Variants in PRDM11 observed in about 807,000 individuals in gnomAD.
PRDM11 encodes PR domain-containing protein 11.
Under a neutral mutation model 97.8 loss-of-function variants are expected in PRDM11, and 20 were observed. That is an observed-to-expected ratio of 0.20 (90% CI 0.14 to 0.30). The LOEUF (loss-of-function observed/expected upper bound fraction) is 0.30. Ranked by LOEUF, PRDM11 falls within the 10% of genes least tolerant of loss-of-function variation. PRDM11 has a pLI of 1.00. For synonymous variants in PRDM11, 599 were observed against 637.7 expected (o/e 0.94, Z 0.91); for missense variants, 1,139 against 1,555.2 (o/e 0.73, Z 4.50).
At chr11:45,103,377 G>A (rs1260107605) in intron 1 of PRDM11, among the ~76,000 whole-genome samples, 1 of 152,184 alleles carries the variant, frequency 6.6e-6, no homozygotes, top group Non-Finnish European at 1.5e-5. Context: ...GAAGATGAGA[G>A]GGAGATGAGG....
At chr11:45,221,356 T>C (rs1395543515) in intron 6 of PRDM11, among the ~76,000 whole-genome samples, 1 of 152,130 alleles carries the variant, frequency 6.6e-6, no homozygotes, top group Non-Finnish European at 1.5e-5. Flanking sequence ...GCCTGATACA[T>C]AGTAGGGACT....
intron 1 of PRDM11, among the ~76,000 whole-genome samples, chr11:45,171,634 G>A (rs770177955): frequency 1.4e-4 from 21 of 152,200 alleles, no homozygotes; most frequent in Non-Finnish European, 2.6e-4. Flanking sequence ...CAGGCAGAGT[G>A]CTGGGCCCAT....
At chr11:45,182,103 C>T in intron 2 of PRDM11, 143 bp from the exon 3 acceptor site, 1 of 755,692 alleles carries the variant, frequency 1.3e-6, no homozygotes, top group Non-Finnish European at 2.2e-6. Flanking sequence ...CCACCTCCTG[C>T]ACTGAACAGC....
chr11:45,142,476 T>C (rs1257409483), upstream of PRDM11, among the ~76,000 whole-genome samples: 2 of 152,142 alleles, frequency 1.3e-5, no homozygotes, highest in African/African-American at 4.8e-5. Flanking sequence ...TTCCCTGTCC[T>C]CATGATCTAG....
At chr11:45,121,844 A>C (rs952563794) in intron 1 of PRDM11, among the ~76,000 whole-genome samples, 9 of 152,184 alleles carry the variant, frequency 5.9e-5, no homozygotes, top group Non-Finnish European at 1.0e-4. Context: ...TAAATAGTCC[A>C]TGGGCCAAAG....
At chr11:45,215,012 G>A (rs1198264959) in intron 5 of PRDM11, among the ~76,000 whole-genome samples, 1 of 152,228 alleles carries the variant, frequency 6.6e-6, no homozygotes, top group East Asian at 1.9e-4. Context: ...GTGTTGCTAA[G>A]TCAATTTTAC....
At chr11:45,182,184 C>T in intron 2 of PRDM11, 62 bp from the exon 3 acceptor site, 3 of 1,466,740 alleles carry the variant, frequency 2.0e-6, no homozygotes, top group Non-Finnish European at 2.8e-6. Flanking sequence ...GCTTTTGTCC[C>T]CACTGGGCTC....
At chr11:45,110,746 A>T (rs1378319288) in intron 1 of PRDM11, among the ~76,000 whole-genome samples, 3 of 152,140 alleles carry the variant, frequency 2.0e-5, no homozygotes, top group Non-Finnish European at 4.4e-5. Flanking sequence ...GGAGCTTCAC[A>T]TCCCATTCCC....
chr11:45,107,132 C>T lies in PRDM11; in HGVS notation c.96+11231C>T, dbSNP rs1160809931. Among the ~76,000 whole-genome samples, 4 of 152,156 alleles carry T rather than the reference C, an allele frequency of 2.6e-5. No homozygotes were observed. The East Asian group carries it at 5.8e-4, about 22-fold the overall frequency. ...CCTGGTGTTTAGGGGGCCCAGGGGC[C>T]TCCATAGAGCAAGATAAGTGCCACG... On this transcript the variant is annotated intron_variant, in intron 1 of 6. Transcript: ENST00000530656.
At chr11:45,169,508 A>G (rs1259906715) in intron 1 of PRDM11, among the ~76,000 whole-genome samples, 1 of 152,238 alleles carries the variant, frequency 6.6e-6, no homozygotes, top group Admixed American at 6.5e-5. Context: ...ACACATGTTA[A>G]TTCATTTATT....
chr11:45,207,073 G>A (rs534700905), intron 5 of PRDM11, among the ~76,000 whole-genome samples: 3 of 152,180 alleles, frequency 2.0e-5, no homozygotes, highest in Non-Finnish European at 4.4e-5. Context: ...CACAGCTGGT[G>A]GGCTCTCATC....
At chr11:45,164,464 A>G (rs1435631551) in intron 1 of PRDM11, among the ~76,000 whole-genome samples, 2 of 152,162 alleles carry the variant, frequency 1.3e-5, no homozygotes, top group South Asian at 2.1e-4. Flanking sequence ...ATCATTTCCC[A>G]TCTGGGGGCG....
At chr11:45,141,445 G>C (rs1282973984) in intron 1 of PRDM11, among the ~76,000 whole-genome samples, 1 of 152,186 alleles carries the variant, frequency 6.6e-6, no homozygotes, top group Non-Finnish European at 1.5e-5. Flanking sequence ...GATAATAAAT[G>C]TTTACTGTCT....
In PRDM11 at chr11:45,112,788, TTG is replaced by T. The variant is rs113245678; in HGVS notation, c.96+16909_96+16910del. ...TTTGCCCACTTTTTGATGGGATTAT[TTG>T]TGTGTGTGTGTGTGTGTGTGTTTCT... On this transcript the variant is annotated intron_variant, in intron 1 of 6. Coordinates refer to the PRDM11 transcript ENST00000530656. Among the ~76,000 whole-genome samples, 1,426 of 149,568 alleles carry T rather than the reference TTG, an allele frequency of 9.5e-3. 18 individuals carry two copies. The highest frequency in any genetic ancestry group is 0.032 in the African/African-American group (1,328 of 40,986).
At chr11:45,140,347 G>C (rs965584602) in intron 1 of PRDM11, among the ~76,000 whole-genome samples, 1 of 152,168 alleles carries the variant, frequency 6.6e-6, no homozygotes, top group Non-Finnish European at 1.5e-5. Flanking sequence ...AGTCCCCCAG[G>C]AGTCAAATAA....
chr11:45,171,156 A>G (rs1590402620), intron 1 of PRDM11, among the ~76,000 whole-genome samples: 1 of 151,864 alleles, frequency 6.6e-6, no homozygotes, highest in Non-Finnish European at 1.5e-5. Context: ...CTCAAGTGCA[A>G]TGGTGCAATC....
At chr11:45,097,677 C>T (rs974383832) in intron 1 of PRDM11, among the ~76,000 whole-genome samples, 1 of 152,200 alleles carries the variant, frequency 6.6e-6, no homozygotes, top group Non-Finnish European at 1.5e-5. Flanking sequence ...TCCTTGAGGA[C>T]GGAGCTATTG....
chr11:45,221,243 A>C (rs1473037017), intron 6 of PRDM11, among the ~76,000 whole-genome samples: 1 of 152,152 alleles, frequency 6.6e-6, no homozygotes, highest in East Asian at 1.9e-4. Context: ...TCTTCTTTGG[A>C]TCTCAGGGTT....
chr11:45,160,755 A>T (rs1851908326), intron 1 of PRDM11, among the ~76,000 whole-genome samples: 1 of 152,174 alleles, frequency 6.6e-6, no homozygotes, highest in African/African-American at 2.4e-5. Context: ...TTTAAAGTTT[A>T]TTGTACAATG....
Sources: gnomAD v4.1 joint callset for allele counts (sites outside exome capture counted in the v4.1 genomes callset) on GRCh38, gnomAD v4.1.1 for gene constraint, MANE v1.5 for transcripts, NCBI Gene and HGNC (gene_info 2026-07-23, HGNC 2026-07-21) for gene names.